The following CCNDBP1 variants were observed in gnomAD, a reference collection of about 807,000 sequenced individuals.
CCNDBP1 encodes the protein cyclin D1 binding protein 1.
CCNDBP1 carries 45 observed loss-of-function variants against 46.2 expected under a neutral mutation model. That is an observed-to-expected ratio of 0.97 (90% confidence interval 0.77 to 1.25). The LOEUF is 1.25. CCNDBP1 is among the 50% of genes most tolerant of loss of function. CCNDBP1 has a pLI of 0.00. For synonymous variants in CCNDBP1, 154 were observed against 163.6 expected, an observed-to-expected ratio of 0.94 and a Z score of 0.45; for missense variants, 436 against 442.1, an observed-to-expected ratio of 0.99 and a Z score of 0.12.
rs763726221 is a variant in CCNDBP1 at position 43,192,734 on chromosome 15, T to G, written c.861-9T>G. 1 of 1,613,978 alleles carries G rather than the reference T, an allele frequency of 6.2e-7. No individual in the cohort carries two copies. The highest frequency in any genetic ancestry group is 8.5e-7 in the Non-Finnish European group (1 of 1,179,828). On this transcript the variant is annotated splice_polypyrimidine_tract_variant and intron_variant, in intron 8 of 10. Coordinates refer to ENST00000300213, the MANE Select transcript of CCNDBP1 (RefSeq NM_012142.5). Reference sequence around the variant, plus strand: ...TTTGTTAATGATTACTTTTGTTTTCTGCTCTTAGTGTGGATGATTTGGCTC... The same window carrying G: ...TTTGTTAATGATTACTTTTGTTTTCGGCTCTTAGTGTGGATGATTTGGCTC...
rs779736502 is a variant in CCNDBP1 at position 43,185,617 on chromosome 15, C to A, written c.109+10C>A. On this transcript the variant is annotated intron_variant, in intron 1 of 10. Coordinates refer to ENST00000300213, the MANE Select transcript of CCNDBP1 (RefSeq NM_012142.5). Reference sequence around the variant, plus strand: ...CTGCCTCGAGTGCGGGGTGAGCTGACGGAGTTAGAACGGGCGACGGCAGGG... The same window carrying A: ...CTGCCTCGAGTGCGGGGTGAGCTGAAGGAGTTAGAACGGGCGACGGCAGGG... 20 of 1,141,646 alleles carry A rather than the reference C, an allele frequency of 1.8e-5. No homozygotes were observed. The African/African-American group carries it at 3.4e-4, about 19-fold the overall frequency. 70.7% of individuals were successfully genotyped at this position (1,141,646 alleles called of 1,614,324 possible). A position where few individuals can be genotyped will look rare whatever the true frequency, so the allele number is the denominator to read the frequency against.
In CCNDBP1 at chr15:43,196,916, C is replaced by T. The variant is rs1413620515; in HGVS notation, c.*2075C>T. The T allele has an allele frequency of 3.2e-6, 1 of 315,616 alleles. No homozygotes were observed. The highest frequency in any genetic ancestry group is 2.8e-5 in the South Asian group (1 of 35,704). 19.6% of individuals were successfully genotyped at this position (315,616 alleles called of 1,614,324 possible). ...GGCCTAATGGGAGGTGTTTGGATCCCTCATGAATGGCTTCGTTCCATTGGT... is the reference window on the plus strand; with the variant it reads ...GGCCTAATGGGAGGTGTTTGGATCCTTCATGAATGGCTTCGTTCCATTGGT... On this transcript the variant is annotated 3_prime_UTR_variant, in exon 11 of 11. Transcript: ENST00000300213.
chr15:43,188,434 T>G (rs2041887927), intron 3 of CCNDBP1: 1 of 152,192 alleles, frequency 6.6e-6, no homozygotes, highest in African/African-American at 2.4e-5. Flanking sequence ...TTAGTAAATA[T>G]TTTAGATTTT....
In CCNDBP1 at chr15:43,192,814, G is replaced by A. The variant is rs765744137; in HGVS notation, c.921+11G>A. On this transcript the variant is annotated intron_variant, in intron 9 of 10. Transcript: ENST00000300213. ...ACCGTGCGAATCAATGTAAGTACTG[G>A]CTTTGAGGGAATAGCTACAGAACAA... 3 of 1,612,560 alleles carry A rather than the reference G, an allele frequency of 1.9e-6. No homozygotes were observed. Among genetic ancestry groups the A allele is most frequent in the Non-Finnish European group, 2.5e-6 (3 of 1,178,724 alleles).
intron 10 of CCNDBP1, 98 bp from the exon 11 acceptor site, chr15:43,194,629 T>TA: frequency 9.2e-7 from 1 of 1,087,046 alleles, no homozygotes; most frequent in Non-Finnish European, 1.4e-6. Context: ...AGCTTCCCTT[T>TA]AAAAAAATTT....
chr15:43,197,026 C>A lies in CCNDBP1; in HGVS notation c.*2185C>A. 1 of 444,200 alleles carries A rather than the reference C, an allele frequency of 2.3e-6. No homozygotes were observed. The highest frequency in any genetic ancestry group is 3.4e-5 in the Admixed American group (1 of 29,168). 27.5% of individuals were successfully genotyped at this position (444,200 alleles called of 1,614,324 possible). Reference sequence around the variant, plus strand: ...AAACGAGGCTGGCACCTGGCACTTACCCCTACCCCTCAACCCATTCTTGCC... The same window carrying A: ...AAACGAGGCTGGCACCTGGCACTTAACCCTACCCCTCAACCCATTCTTGCC... On this transcript the variant is annotated 3_prime_UTR_variant, in exon 11 of 11. Coordinates refer to ENST00000300213, the MANE Select transcript of CCNDBP1 (RefSeq NM_012142.5).
Position 43,186,169 on chromosome 15 carries a change from C to T in CCNDBP1, c.185C>T (p.Thr62Ile), listed in dbSNP as rs1396179965. Reference sequence around the variant, plus strand: ...CACCCCCCAGATGAGGCAGCTGTGACTGTGTCAAGGGAAGCCACGACTCTG... The same window carrying T: ...CACCCCCCAGATGAGGCAGCTGTGATTGTGTCAAGGGAAGCCACGACTCTG... ...FWRRLNEAAV[T>I]VSREATTLTI... Residue 62 changes from threonine to isoleucine, a missense_variant, in exon 3 of 11, where the codon ACT (threonine) becomes ATT (isoleucine). Transcript: ENST00000300213. 5.6e-6 allele frequency: 9 copies of T among 1,614,132 alleles called. No individual in the cohort carries two copies. In the Admixed American group the frequency reaches 6.7e-5, roughly 12 times the overall value.
chr15:43,196,208 A>G lies in CCNDBP1; in HGVS notation c.*1367A>G, dbSNP rs1339423793. The stretch of plus-strand genomic sequence containing the variant: ...GCTGAATTATTCTCTCAGGTCCTGT[A>G]TTGTATAACTTCGTTCAGTCATGTT... On this transcript the variant is annotated 3_prime_UTR_variant, in exon 11 of 11. Coordinates refer to ENST00000300213, the MANE Select transcript of CCNDBP1 (RefSeq NM_012142.5). 6.6e-6 allele frequency: 1 copy of G among 150,786 alleles called. No individual in the cohort carries two copies. The highest frequency in any genetic ancestry group is 2.4e-5 in the African/African-American group (1 of 41,086). 9.3% of individuals were successfully genotyped at this position (150,786 alleles called of 1,614,324 possible). A position where few individuals can be genotyped will look rare whatever the true frequency, so the allele number is the denominator to read the frequency against.
Position 43,196,354 on chromosome 15 carries a change from C to T in CCNDBP1, c.*1513C>T, listed in dbSNP as rs936907572. On this transcript the variant is annotated 3_prime_UTR_variant, in exon 11 of 11. Coordinates refer to ENST00000300213, the MANE Select transcript of CCNDBP1 (RefSeq NM_012142.5). ...AAGCTGGAGTGCAGTGGCACACTCT[C>T]GGCTCACTGCAACCTCCGCCTCCCA... 12 of 142,220 alleles carry T rather than the reference C, an allele frequency of 8.4e-5. No individual in the cohort carries two copies. Among genetic ancestry groups the T allele is most frequent in the Admixed American group, 4.5e-4 (6 of 13,380 alleles). The allele number at this position is 142,220 out of a possible 1,614,324, so 8.8% of individuals were successfully genotyped here. A position where few individuals can be genotyped will look rare whatever the true frequency, so the allele number is the denominator to read the frequency against.
intron 3 of CCNDBP1, among the ~76,000 whole-genome samples, chr15:43,186,930 C>T (rs1162225161): frequency 2.0e-5 from 3 of 152,126 alleles, no homozygotes; most frequent in African/African-American, 4.8e-5. Context: ...GATGAATTAC[C>T]TAATTCTGTG....
rs754326621 is a variant in CCNDBP1 at position 43,192,737 on chromosome 15, T to C, written c.861-6T>C. ...GTTAATGATTACTTTTGTTTTCTGC[T>C]CTTAGTGTGGATGATTTGGCTCTGA... On this transcript the variant is annotated splice_region_variant and splice_polypyrimidine_tract_variant and intron_variant, in intron 8 of 10. Transcript: ENST00000300213. 6.2e-7 allele frequency: 1 copy of C among 1,614,036 alleles called. No individual in the cohort carries two copies.
At chr15:43,194,618 A>C in intron 10 of CCNDBP1, 109 bp from the exon 11 acceptor site, 7 of 1,017,158 alleles carry the variant, frequency 6.9e-6, no homozygotes, top group Non-Finnish European at 1.0e-5. Flanking sequence ...TTCTGCAAAG[A>C]AGCTTCCCTT....
In CCNDBP1 at chr15:43,194,785, A is replaced by G; in HGVS notation, c.1027A>G (p.Ile343Val). ...DSWIPLLINA[I>V]DHCMNRIKEL... ...TTGGATCCCTTTACTTATTAATGCC[A>G]TTGATCATTGCATGAATAGAATCAA... The change falls in exon 11 of 11, where the codon ATT becomes GTT. Residue 343 changes from isoleucine to valine, a missense_variant. Transcript: ENST00000300213. The G allele has an allele frequency of 6.2e-7, 1 of 1,614,078 alleles. No individual in the cohort carries two copies. Among genetic ancestry groups the G allele is most frequent in the Non-Finnish European group, 8.5e-7 (1 of 1,179,910 alleles).
intron 2 of CCNDBP1, 84 bp downstream of exon 2, chr15:43,185,963 G>A: frequency 7.3e-7 from 1 of 1,369,064 alleles, no homozygotes; most frequent in Non-Finnish European, 1.0e-6. Context: ...CCCCACGGAG[G>A]GGACTGCTCT....
At chr15:43,191,342 CCTTTTT>C in intron 7 of CCNDBP1, 47 bp from the exon 8 acceptor site, 18 of 1,109,176 alleles carry the variant, frequency 1.6e-5, no homozygotes, top group Middle Eastern at 2.8e-4. Flanking sequence ...ATAGGCCTCG[CCTTTTT>C]TTTTTTTTTT....
intron 8 of CCNDBP1, among the ~76,000 whole-genome samples, chr15:43,192,163 G>C (rs565462475): frequency 2.6e-5 from 4 of 152,314 alleles, no homozygotes; most frequent in Non-Finnish European, 5.9e-5. Context: ...ATCTAGAACA[G>C]TTCCTATCCT....
rs1596398336 is a variant in CCNDBP1, at chr15:43,196,946, T to G, written c.*2105T>G. 3.0e-6 allele frequency: 1 copy of G among 336,248 alleles called. No homozygotes were observed. The highest frequency in any genetic ancestry group is 2.5e-5 in the South Asian group (1 of 39,424). The allele number at this position is 336,248 out of a possible 1,614,324, so 20.8% of individuals were successfully genotyped here. A position where few individuals can be genotyped will look rare whatever the true frequency, so the allele number is the denominator to read the frequency against. Reference sequence around the variant, plus strand: ...GAATGGCTTCGTTCCATTGGTGGGGTAATGAGTAAGTTCTCGCTCTATATG... The same window carrying G: ...GAATGGCTTCGTTCCATTGGTGGGGGAATGAGTAAGTTCTCGCTCTATATG... On this transcript the variant is annotated 3_prime_UTR_variant, in exon 11 of 11. Transcript: ENST00000300213.
At chr15:43,194,505 G>T in intron 10 of CCNDBP1, 44 bp downstream of exon 10, 2 of 1,494,528 alleles carry the variant, frequency 1.3e-6, no homozygotes, top group South Asian at 2.4e-5. Context: ...GAGTAAAACG[G>T]AACTGCTGTC....
chr15:43,190,575 A>G (rs2041932264), intron 6 of CCNDBP1, among the ~76,000 whole-genome samples, 177 bp downstream of exon 6: 1 of 152,190 alleles, frequency 6.6e-6, no homozygotes, highest in Non-Finnish European at 1.5e-5. Flanking sequence ...TCTAGTTATC[A>G]TACTTCTAAA....
Sources: allele counts gnomAD v4.1 joint callset (sites outside exome capture counted in the v4.1 genomes callset), GRCh38; gene constraint gnomAD v4.1.1; transcripts MANE v1.5; gene names NCBI Gene and HGNC (gene_info 2026-07-23, HGNC 2026-07-21).